PCDHGA5: variants seen among roughly 807,000 people sequenced by gnomAD.
The protein encoded by PCDHGA5 is protocadherin gamma subfamily A, 5.
Under a neutral mutation model 56.7 loss-of-function variants are expected in PCDHGA5, and 36 were observed. That is an observed-to-expected ratio of 0.64 (90% CI 0.49 to 0.84). PCDHGA5 has a LOEUF of 0.84. Ranked by LOEUF, PCDHGA5 falls within the 40% of genes least tolerant of loss-of-function variation. The pLI is 0.00. For missense variants in PCDHGA5, 1,305 were observed against 1,201.5 expected (o/e 1.09, Z -1.27); for synonymous variants, 563 against 520.2 (o/e 1.08, Z -1.12).
At position 141,389,262 on chromosome 5, in the gene PCDHGA5, G is replaced by A. The variant is rs1017721134; in HGVS notation, c.2421+22511G>A. On this transcript the variant is annotated intron_variant, in intron 1 of 3. Coordinates refer to ENST00000518069, the MANE Select transcript of PCDHGA5 (RefSeq NM_018918.3). Reference sequence around the variant, plus strand: ...ACAGTCTTCCTATATAGTCCACGTGGCCGAGAACAACCCGCCTGGAGCCTC... The same window carrying A: ...ACAGTCTTCCTATATAGTCCACGTGACCGAGAACAACCCGCCTGGAGCCTC... 5 of 1,613,910 alleles carry A rather than the reference G, an allele frequency of 3.1e-6. No individual in the cohort carries two copies. The highest frequency in any genetic ancestry group is 1.3e-5 in the African/African-American group (1 of 74,940).
chr5:141,381,416 C>T (rs995030864), intron 1 of PCDHGA5, among the ~76,000 whole-genome samples: 2 of 152,236 alleles, frequency 1.3e-5, no homozygotes, highest in African/African-American at 2.4e-5. Context: ...AGTGGAGAGA[C>T]GAGTACCTCT....
chr5:141,472,188 G>C (rs779077950), intron 1 of PCDHGA5, among the ~76,000 whole-genome samples: 4 of 152,168 alleles, frequency 2.6e-5, no homozygotes, highest in Middle Eastern at 3.2e-3. Context: ...ATTGGAATTT[G>C]AATCTTTTTG....
intron 1 of PCDHGA5, among the ~76,000 whole-genome samples, chr5:141,473,990 G>A (rs988540565): frequency 2.0e-5 from 3 of 152,130 alleles, no homozygotes; most frequent in African/African-American, 7.2e-5. Flanking sequence ...GATCCCTTGA[G>A]CCCAAGGAGC....
At chr5:141,397,943 C>T in intron 1 of PCDHGA5, 1 of 892,874 alleles carries the variant, frequency 1.1e-6, no homozygotes, top group South Asian at 1.8e-5. Flanking sequence ...GCGCGCTTTC[C>T]AGGGCAGCCC....
rs571977774 is a variant in PCDHGA5 at position 141,375,523 on chromosome 5, C to G, written c.2421+8772C>G. ...TCTCTGTGAATGCACTGGACCCTGA[C>G]GTGGACCAGAACGCCCAAGTCTCCT... On this transcript the variant is annotated intron_variant, in intron 1 of 3. Coordinates refer to ENST00000518069, the MANE Select transcript of PCDHGA5 (RefSeq NM_018918.3). The G allele has an allele frequency of 1.6e-4, 253 of 1,614,032 alleles. 3 individuals are homozygous for G. The Admixed American group carries it at 4.2e-3, about 27-fold the overall frequency.
At position 141,370,693 on chromosome 5, in the gene PCDHGA5, C is replaced by G. The variant is rs762773164; in HGVS notation, c.2421+3942C>G. On this transcript the variant is annotated intron_variant, in intron 1 of 3. Coordinates refer to ENST00000518069, the MANE Select transcript of PCDHGA5 (RefSeq NM_018918.3). ...CGAGAGGAGATTTGTGGCAAGAAGT[C>G]GACGTGTGTTCTGGAATTTGAAATG... 28 of 1,613,754 alleles carry G rather than the reference C, an allele frequency of 1.7e-5. No individual in the cohort carries two copies. In the East Asian group the frequency reaches 3.8e-4, roughly 22 times the overall value.
rs1212381177 is a variant in PCDHGA5 at position 141,438,571 on chromosome 5, TATACATAC to T, written c.2422-56220_2422-56213del. On this transcript the variant is annotated intron_variant, in intron 1 of 3. Coordinates refer to ENST00000518069, the MANE Select transcript of PCDHGA5 (RefSeq NM_018918.3). Reference sequence around the variant, plus strand: ...GCCCTAATAAGAGGCAGCTGTCTGATATACATACATACATACATACATATATATATATA... The same window carrying T: ...GCCCTAATAAGAGGCAGCTGTCTGATATACATACATACATATATATATATA... Among the ~76,000 whole-genome samples the T allele has an allele frequency of 2.8e-4, 26 of 94,536 alleles. 1 individual carries two copies. Among genetic ancestry groups the T allele is most frequent in the South Asian group, 1.0e-3 (3 of 2,950 alleles). 62.0% of individuals were successfully genotyped at this position (94,536 alleles called of 152,430 possible). A position where few individuals can be genotyped will look rare whatever the true frequency, so the allele number is the denominator to read the frequency against.
At position 141,399,531 on chromosome 5, in the gene PCDHGA5, G is replaced by T. The variant is rs771221717; in HGVS notation, c.2421+32780G>T. 24 of 1,614,052 alleles carry T rather than the reference G, an allele frequency of 1.5e-5. No homozygotes were observed. The South Asian group carries it at 2.0e-4, about 13-fold the overall frequency. ...ACAACCCTCCTGGGGCCTCCATCGC[G>T]CAAGTCTGCGCCTCGGACCTGGACT... On this transcript the variant is annotated intron_variant, in intron 1 of 3. Coordinates refer to ENST00000518069, the MANE Select transcript of PCDHGA5 (RefSeq NM_018918.3).
chr5:141,459,506 A>G (rs1156362858), intron 1 of PCDHGA5, among the ~76,000 whole-genome samples: 1 of 152,236 alleles, frequency 6.6e-6, no homozygotes, highest in East Asian at 1.9e-4. Flanking sequence ...GATGTGAACA[A>G]TCATGTACAA....
Position 141,491,273 on chromosome 5 carries a change from G to A in PCDHGA5, c.2422-3534G>A. ...GACCCTGAGGAAATGCCCAAATCCA[G>A]TGACTTCCTCATACACCCTCCTGAG... On this transcript the variant is annotated intron_variant, in intron 1 of 3. Coordinates refer to ENST00000518069, the MANE Select transcript of PCDHGA5 (RefSeq NM_018918.3). This position sits in a 1 kb window ranked among gnomAD's most constrained non-coding sequence, Gnocchi z 6.9. The A allele has an allele frequency of 6.2e-7, 1 of 1,614,182 alleles. No individual in the cohort carries two copies. Among genetic ancestry groups the A allele is most frequent in the South Asian group, 1.1e-5 (1 of 91,082 alleles).
At chr5:141,414,396 A>G in intron 1 of PCDHGA5, 1 of 1,613,884 alleles carries the variant, frequency 6.2e-7, no homozygotes, top group Non-Finnish European at 8.5e-7. Flanking sequence ...GTTATTACAG[A>G]TTGGTGATAC....
At position 141,477,130 on chromosome 5, in the gene PCDHGA5, G is replaced by C; in HGVS notation, c.2422-17677G>C. On this transcript the variant is annotated intron_variant, in intron 1 of 3. Coordinates refer to ENST00000518069, the MANE Select transcript of PCDHGA5 (RefSeq NM_018918.3). The surrounding 1 kb of genome is among the most constrained non-coding windows in gnomAD (Gnocchi z 4.9). ...ATCCCGAAGGAGCACATTGCAAAGT[G>C]TTGGTGGAGGTTGTGGATGTGAATG... 6.2e-7 allele frequency: 1 copy of C among 1,614,252 alleles called. No individual in the cohort carries two copies. The highest frequency in any genetic ancestry group is 2.2e-5 in the East Asian group (1 of 44,888).
chr5:141,452,641 CT>C (rs1351640847), intron 1 of PCDHGA5, among the ~76,000 whole-genome samples: 3 of 151,934 alleles, frequency 2.0e-5, no homozygotes, highest in Admixed American at 1.3e-4. Flanking sequence ...AATATATTTA[CT>C]CATTTGCTCC....
intron 1 of PCDHGA5, chr5:141,417,959 C>A (rs759279387): frequency 5.0e-6 from 8 of 1,613,734 alleles, no homozygotes; most frequent in Non-Finnish European, 6.8e-6. Context: ...TGAGCCGATC[C>A]GCTACTCGAT....
intron 1 of PCDHGA5, chr5:141,385,038 G>T (rs377185831): frequency 1.2e-6 from 2 of 1,614,020 alleles, no homozygotes; most frequent in Admixed American, 1.7e-5. Context: ...TACTGCTGGC[G>T]CTCAGGCTGC....
At chr5:141,454,181 G>A (rs1290295830) in intron 1 of PCDHGA5, among the ~76,000 whole-genome samples, 1 of 152,200 alleles carries the variant, frequency 6.6e-6, no homozygotes, top group Non-Finnish European at 1.5e-5. Context: ...GCAGCTAAAG[G>A]AGCTTAGTGA....
At position 141,409,564 on chromosome 5, in the gene PCDHGA5, G is replaced by C. The variant is rs374234556; in HGVS notation, c.2421+42813G>C. ...ACGACAACGCCCCAGTTTTCGACCA[G>C]ACGTCCTACGTGGTCCACGTGGCCG... On this transcript the variant is annotated intron_variant, in intron 1 of 3. Coordinates refer to ENST00000518069, the MANE Select transcript of PCDHGA5 (RefSeq NM_018918.3). The C allele has an allele frequency of 4.0e-5, 64 of 1,613,870 alleles. No individual in the cohort carries two copies. Among genetic ancestry groups the C allele is most frequent in the Non-Finnish European group, 5.2e-5 (61 of 1,179,914 alleles).
At position 141,512,091 on chromosome 5, in the gene PCDHGA5, A is replaced by C. The variant is rs1329025049; in HGVS notation, c.*918A>C. On this transcript the variant is annotated 3_prime_UTR_variant, in exon 4 of 4. Transcript: ENST00000518069. The stretch of plus-strand genomic sequence containing the variant: ...TCCAGATTCCAGCCATAAACCAATA[A>C]CTAGGCTGGACCCTTCCCACTACAT... 1 of 152,656 alleles carries C rather than the reference A, an allele frequency of 6.6e-6. No homozygotes were observed. The highest frequency in any genetic ancestry group is 2.4e-5 in the African/African-American group (1 of 41,456). 9.5% of individuals were successfully genotyped at this position (152,656 alleles called of 1,614,324 possible). A position where few individuals can be genotyped will look rare whatever the true frequency, so the allele number is the denominator to read the frequency against.
intron 1 of PCDHGA5, chr5:141,393,894 C>T (rs201697840): frequency 6.2e-7 from 1 of 1,614,000 alleles, no homozygotes. Flanking sequence ...AGAAAATTCT[C>T]TTCCCGGGAC....
Sources: gnomAD v4.1 joint callset for allele counts (sites outside exome capture counted in the v4.1 genomes callset) on GRCh38, gnomAD v4.1.1 for gene constraint, Gnocchi (gnomAD v3.1) non-coding constraint, MANE v1.5 for transcripts, NCBI Gene and HGNC (gene_info 2026-07-23, HGNC 2026-07-21) for gene names.